The following TRPM7 variants were observed in gnomAD, a reference collection of about 807,000 sequenced individuals.
TRPM7 encodes the protein transient receptor potential cation channel subfamily M member 7.
TRPM7 carries 134 observed loss-of-function variants against 229.7 expected under a neutral mutation model. The observed-to-expected ratio is 0.58, with a 90% CI of 0.51 to 0.67. The LOEUF is 0.67. TRPM7 is among the 30% of genes least tolerant of loss of function. The pLI, the probability that TRPM7 is intolerant of heterozygous loss-of-function variation, is 0.00. For missense variants in TRPM7, 1,901 were observed against 2,210.0 expected (o/e 0.86, Z 2.80); for synonymous variants, 699 against 715.2 (o/e 0.98, Z 0.36).
chr15:50,574,159 A>T, intron 36 of TRPM7, 115 bp downstream of exon 36: 1 of 797,978 alleles, frequency 1.3e-6, no homozygotes, highest in Non-Finnish European at 2.0e-6. Context: ...GCTTTTTTAT[A>T]GCTTCTATTG....
At chr15:50,679,342 C>A (rs58368325) in intron 1 of TRPM7, among the ~76,000 whole-genome samples, 75,097 of 142,812 alleles carry the variant, frequency 0.53, 19,802 homozygotes, top group Admixed American at 0.6. Flanking sequence ...CCAAAAAAAA[C>A]AAAACAGAAA....
intron 26 of TRPM7, 54 bp downstream of exon 26, chr15:50,591,853 ATTTC>A: frequency 8.1e-7 from 1 of 1,237,508 alleles, no homozygotes; most frequent in African/African-American, 1.5e-5. Flanking sequence ...TATTTCTATT[ATTTC>A]TAAGGTGAAA....
At chr15:50,568,263 C>T (rs1287636822) in intron 38 of TRPM7, among the ~76,000 whole-genome samples, 1 of 151,596 alleles carries the variant, frequency 6.6e-6, no homozygotes, top group Admixed American at 6.6e-5. Flanking sequence ...ATTATGTTTA[C>T]TCTCACTACA....
intron 38 of TRPM7, among the ~76,000 whole-genome samples, chr15:50,563,011 C>T (rs377259489): frequency 9.2e-5 from 14 of 152,034 alleles, no homozygotes; most frequent in African/African-American, 2.9e-4. Flanking sequence ...GTGTGCTTTG[C>T]GAATGGTAAG....
At chr15:50,627,773 C>T (rs1457549547) in intron 11 of TRPM7, among the ~76,000 whole-genome samples, 1 of 152,106 alleles carries the variant, frequency 6.6e-6, no homozygotes, top group Non-Finnish European at 1.5e-5. Flanking sequence ...TAAAGGATAA[C>T]ACTAAAGAGT....
In TRPM7 at chr15:50,655,455, AC is replaced by A. The variant is rs1458854340; in HGVS notation, c.122+2325del. Among the ~76,000 whole-genome samples, 134 of 144,178 alleles carry A rather than the reference AC, an allele frequency of 9.3e-4. 3 individuals are homozygous for A. Among genetic ancestry groups the A allele is most frequent in the African/African-American group, 2.2e-3 (89 of 40,672 alleles). 94.6% of individuals were successfully genotyped at this position (144,178 alleles called of 152,430 possible). A position where few individuals can be genotyped will look rare whatever the true frequency, so the allele number is the denominator to read the frequency against. ...CTCAAAGGAAAAAAAAAACAAAAAA[AC>A]AAAAAACCTTCTCAATCAGGTAAAA... On this transcript the variant is annotated intron_variant, in intron 3 of 38. Transcript: ENST00000646667.
intron 27 of TRPM7, among the ~76,000 whole-genome samples, chr15:50,586,827 G>A (rs1241673636): frequency 3.3e-5 from 5 of 152,102 alleles, no homozygotes; most frequent in Admixed American, 1.3e-4. Flanking sequence ...GACCATCTTG[G>A]CCAACATGGT....
intron 26 of TRPM7, 119 bp downstream of exon 26, chr15:50,591,792 A>T (rs2059500701): frequency 1.3e-6 from 1 of 792,406 alleles, no homozygotes; most frequent in Non-Finnish European, 1.8e-6. Context: ...GATTCTTTTT[A>T]AAAATTTTAT....
At position 50,679,538 on chromosome 15, in the gene TRPM7, A is replaced by ATATATTT. The variant is rs1400383980; in HGVS notation, c.3+6992_3+6993insAAATATA. ...TATATATATATATATATATATATAT[A>ATATATTT]TTTTTTTTTTTTTTTGAGACAGAGT... is the stretch of plus-strand genomic sequence containing the variant. On this transcript the variant is annotated intron_variant, in intron 1 of 38. Transcript: ENST00000646667. Among the ~76,000 whole-genome samples the ATATATTT allele has an allele frequency of 5.7e-3, 249 of 43,802 alleles. 10 individuals carry two copies. Among genetic ancestry groups the ATATATTT allele is most frequent in the African/African-American group, 0.026 (238 of 9,220 alleles). 28.7% of individuals were successfully genotyped at this position (43,802 alleles called of 152,430 possible). A position where few individuals can be genotyped will look rare whatever the true frequency, so the allele number is the denominator to read the frequency against.
rs34971121 is a variant in TRPM7 at position 50,614,125 on chromosome 15, G to A, written c.1633C>T (p.Arg545Trp). Residue 545 changes from arginine (R) to tryptophan (W), a missense_variant and splice_region_variant, in exon 14 of 39, where the codon CGG becomes TGG. Arg to Trp is a moderately radical substitution (Grantham distance 101). Coordinates refer to ENST00000646667, the MANE Select transcript of TRPM7 (RefSeq NM_017672.6). ...LIYNSLGGNNRRSGRNTSSST... is the reference protein window; with the variant it reads ...LIYNSLGGNNWRSGRNTSSST... The stretch of plus-strand genomic sequence containing the variant: ...ATTTCCCCACAAATTTTACATACCC[G>A]ATTATTTCCACCAAGACTATTATAT... 2.4e-5 allele frequency: 39 copies of A among 1,592,846 alleles called. No individual in the cohort carries two copies. The highest frequency in any genetic ancestry group is 9.6e-5 in the African/African-American group (7 of 73,228).
intron 1 of TRPM7, among the ~76,000 whole-genome samples, chr15:50,679,511 A>AATATATATATATATAT (rs138501624): frequency 2.7e-5 from 2 of 75,440 alleles, no homozygotes; most frequent in African/African-American, 1.4e-4. Context: ...GTATATATAT[A>AATATATATATATATAT]ATATATATAT....
In TRPM7 at chr15:50,560,259, GATA is replaced by G. The variant is rs1216560606; in HGVS notation, c.*1416_*1418del. The G allele has an allele frequency of 6.6e-6, 1 of 152,450 alleles. No individual in the cohort carries two copies. The highest frequency in any genetic ancestry group is 1.5e-5 in the Non-Finnish European group (1 of 68,004). The allele number at this position is 152,450 out of a possible 1,614,324, so 9.4% of individuals were successfully genotyped here. ...TCAAATTGACACCCTGAAAATGTCA[GATA>G]ATTTTTCAGAATGATTAAACTCACT... On this transcript the variant is annotated 3_prime_UTR_variant, in exon 39 of 39. Coordinates refer to ENST00000646667, the MANE Select transcript of TRPM7 (RefSeq NM_017672.6).
In TRPM7 at chr15:50,609,842, T is replaced by G. The variant is rs1468676264; in HGVS notation, c.2400A>C (p.Glu800Asp). The G allele has an allele frequency of 6.2e-7, 1 of 1,613,180 alleles. No homozygotes were observed. Among genetic ancestry groups the G allele is most frequent in the East Asian group, 2.2e-5 (1 of 44,802 alleles). Residue 800 changes from glutamate to aspartate, a missense_variant, in exon 18 of 39, where the codon GAA becomes GAC. Glu to Asp is a conservative substitution (Grantham distance 45, BLOSUM62 2). Coordinates refer to ENST00000646667, the MANE Select transcript of TRPM7 (RefSeq NM_017672.6). The part of the protein sequence containing the change: ...DAHQMTMDDS[E>D]NNFQNITEEI... ...CTTCTGTTATGTTCTGAAAGTTGTTTTCGCTGTCATCCATTGTCATCTGAT... is the reference window on the plus strand; with the variant it reads ...CTTCTGTTATGTTCTGAAAGTTGTTGTCGCTGTCATCCATTGTCATCTGAT...
chr15:50,615,888 C>T (rs2060209385), intron 13 of TRPM7, among the ~76,000 whole-genome samples: 1 of 152,034 alleles, frequency 6.6e-6, no homozygotes, highest in Non-Finnish European at 1.5e-5. Flanking sequence ...AAAGGCGAAA[C>T]TCCGTCTCAA....
At chr15:50,669,296 G>T (rs1187321351) in intron 1 of TRPM7, among the ~76,000 whole-genome samples, 1 of 150,494 alleles carries the variant, frequency 6.6e-6, no homozygotes, top group African/African-American at 2.5e-5. Context: ...TTAGCCAGGC[G>T]TGGTGGTGTG....
At chr15:50,572,420 A>G (rs545110669) in intron 36 of TRPM7, among the ~76,000 whole-genome samples, 15 of 152,358 alleles carry the variant, frequency 9.8e-5, no homozygotes, top group African/African-American at 3.6e-4. Flanking sequence ...GGCTTAGATA[A>G]TTCTTACTAT....
At position 50,570,049 on chromosome 15, in the gene TRPM7, G is replaced by C. The variant is rs535766719; in HGVS notation, c.5360+55C>G. The stretch of plus-strand genomic sequence containing the variant: ...CAAAAAAAAGGGGGCAGTTTATACA[G>C]GTACAAATATAAAATGTGAAATTAT... On this transcript the variant is annotated intron_variant, in intron 37 of 38. Transcript: ENST00000646667. 61 of 1,586,470 alleles carry C rather than the reference G, an allele frequency of 3.8e-5. No homozygotes were observed. The South Asian group carries it at 6.8e-4, about 18-fold the overall frequency.
intron 1 of TRPM7, among the ~76,000 whole-genome samples, chr15:50,679,531 T>C (rs2062192648): frequency 5.6e-5 from 3 of 53,336 alleles, no homozygotes; most frequent in Admixed American, 5.3e-4. Flanking sequence ...TATATATATA[T>C]ATATATATTT....
intron 6 of TRPM7, among the ~76,000 whole-genome samples, chr15:50,638,125 C>G (rs1264803536): frequency 3.3e-5 from 5 of 151,430 alleles, no homozygotes; most frequent in Non-Finnish European, 7.4e-5. Flanking sequence ...TTTGGGAGGC[C>G]GAGGCGGGCG....
Sources: allele counts gnomAD v4.1 joint callset (sites outside exome capture counted in the v4.1 genomes callset), GRCh38; gene constraint gnomAD v4.1.1; transcripts MANE v1.5; gene names NCBI Gene and HGNC (gene_info 2026-07-23, HGNC 2026-07-21).